The following FOXP4 variants were observed in gnomAD, a reference collection of about 807,000 sequenced individuals.
FOXP4 encodes the protein forkhead box protein P4.
In FOXP4, 25 loss-of-function variants were observed where a neutral mutation model predicts 82.6. The observed-to-expected ratio is 0.30, with a 90% confidence interval of 0.22 to 0.42. FOXP4 has a LOEUF of 0.42. Among genes scored for constraint, FOXP4 ranks in the 10% least tolerant of loss-of-function variants. FOXP4 has a pLI of 1.00. For synonymous variants in FOXP4, 415 were observed against 388.2 expected (o/e 1.07, Z -0.81); for missense variants, 785 against 900.9 (o/e 0.87, Z 1.65).
intron 2 of FOXP4, among the ~76,000 whole-genome samples, chr6:41,568,817 G>A (rs1157071011): frequency 6.6e-6 from 1 of 152,244 alleles, no homozygotes; most frequent in Non-Finnish European, 1.5e-5. Flanking sequence ...AGAGGAGAGA[G>A]ATAAACAGGG....
chr6:41,596,907 T>A (rs763475284), intron 14 of FOXP4, among the ~76,000 whole-genome samples: 14 of 152,102 alleles, frequency 9.2e-5, no homozygotes, highest in Non-Finnish European at 1.9e-4. Flanking sequence ...CAGTTCCCAC[T>A]TCCCAGCTCC....
Position 41,599,263 on chromosome 6 carries a change from A to C in FOXP4, c.*327A>C. 2 of 211,788 alleles carry C rather than the reference A, an allele frequency of 9.4e-6. No homozygotes were observed. The highest frequency in any genetic ancestry group is 9.4e-6 in the Non-Finnish European group (1 of 106,606). 13.1% of individuals were successfully genotyped at this position (211,788 alleles called of 1,614,324 possible). On this transcript the variant is annotated 3_prime_UTR_variant, in exon 17 of 17. Coordinates refer to ENST00000307972, the MANE Select transcript of FOXP4 (RefSeq NM_001012426.2). Reference sequence around the variant, plus strand: ...CCCTCCTCCCCCACCAGCTCTCCCCACAGGGCCCCTCAGCATCATGGAGAC... The same window carrying C: ...CCCTCCTCCCCCACCAGCTCTCCCCCCAGGGCCCCTCAGCATCATGGAGAC...
intron 16 of FOXP4, 61 bp downstream of exon 16, chr6:41,598,011 G>A (rs1333106229): frequency 4.5e-5 from 60 of 1,342,260 alleles, no homozygotes; most frequent in Admixed American, 2.0e-4. Flanking sequence ...GGGAGGAGGC[G>A]TCATCCCCCA....
rs1766267594 is a variant in FOXP4 at position 41,588,127 on chromosome 6, G to C, written c.977+230G>C. ...TTCCCCTGACTCCATCCCCAGCGCA[G>C]GGTGCGGGTAGGAGAAGGAGAGGAC... On this transcript the variant is annotated intron_variant, in intron 8 of 16. Transcript: ENST00000307972. Among the ~76,000 whole-genome samples, 4 of 152,320 alleles carry C rather than the reference G, an allele frequency of 2.6e-5. No homozygotes were observed. In the South Asian group the frequency reaches 8.3e-4, roughly 32 times the overall value.
Position 41,587,434 on chromosome 6 carries a change from C to A in FOXP4, c.794C>A (p.Pro265His). Residue 265 changes from proline (P) to histidine (H), a missense_variant, in exon 7 of 17, where the codon CCC becomes CAC. Around this residue, in one of 3 missense-constraint regions of FOXP4, gnomAD observed 570 missense variants for 634.0 expected, o/e 0.90. Coordinates refer to ENST00000307972, the MANE Select transcript of FOXP4 (RefSeq NM_001012426.2). ...TAATATSFAAPPKVSPPLSHH... is the reference protein window; with the variant it reads ...TAATATSFAAHPKVSPPLSHH... ...GCCACCGCTACCTCGTTTGCCGCTC[C>A]CCCCAAGGTCTCACCCCCCCTCTCC... The A allele has an allele frequency of 6.4e-7, 1 of 1,569,842 alleles. No individual in the cohort carries two copies. The highest frequency in any genetic ancestry group is 1.8e-5 in the Admixed American group (1 of 55,328).
At chr6:41,575,002 T>A (rs1367674724) in intron 2 of FOXP4, among the ~76,000 whole-genome samples, 4 of 152,168 alleles carry the variant, frequency 2.6e-5, no homozygotes, top group African/African-American at 9.7e-5. Flanking sequence ...GGAGTCTTGC[T>A]CTGTTGCTCA....
chr6:41,553,445 TA>T (rs1008690759), intron 1 of FOXP4, among the ~76,000 whole-genome samples: 2 of 152,164 alleles, frequency 1.3e-5, no homozygotes, highest in African/African-American at 4.8e-5. Context: ...GCCTTTCTTT[TA>T]ATTGCACTTA....
intron 3 of FOXP4, among the ~76,000 whole-genome samples, chr6:41,582,804 G>T (rs1250220219): frequency 1.3e-5 from 2 of 152,084 alleles, no homozygotes; most frequent in Non-Finnish European, 2.9e-5. Context: ...GTTAGCCTTT[G>T]GGATCTCAGC....
intron 1 of FOXP4, among the ~76,000 whole-genome samples, chr6:41,560,605 C>A (rs1053957311): frequency 1.8e-3 from 270 of 152,354 alleles, no homozygotes; most frequent in Non-Finnish European, 1.5e-3. Context: ...CTCCCTCCCC[C>A]GCGGGTAAAC....
intron 1 of FOXP4, among the ~76,000 whole-genome samples, chr6:41,555,348 G>T (rs148665400): frequency 1.5e-3 from 225 of 152,312 alleles, no homozygotes; most frequent in African/African-American, 5.1e-3. Context: ...GTCTCCGGGG[G>T]CCTGTTTCAA....
rs538674666 is a variant in FOXP4, at chr6:41,595,763, C to T, written c.1658+772C>T. ...AATTACAGGTGCCCACGACCACGCC[C>T]GGCTAATTTTTTTTGTATTTAGTAG... On this transcript the variant is annotated intron_variant, in intron 14 of 16. Coordinates refer to ENST00000307972, the MANE Select transcript of FOXP4 (RefSeq NM_001012426.2). 5.3e-5 allele frequency among the ~76,000 whole-genome samples: 8 copies of T among 152,170 alleles called. 1 individual carries two copies. The South Asian group carries it at 8.3e-4, about 16-fold the overall frequency.
chr6:41,577,930 TC>T, intron 2 of FOXP4, 55 bp from the exon 3 acceptor site: 1 of 1,348,546 alleles, frequency 7.4e-7, no homozygotes, highest in Non-Finnish European at 1.0e-6. Flanking sequence ...CACTCCCTAA[TC>T]CCTGGATCCC....
At chr6:41,577,191 C>G (rs1306800969) in intron 2 of FOXP4, among the ~76,000 whole-genome samples, 2 of 152,180 alleles carry the variant, frequency 1.3e-5, no homozygotes, top group Non-Finnish European at 2.9e-5. Context: ...TCAGTTCAGT[C>G]TAAGCCACTG....
chr6:41,576,396 C>T (rs1014006498), intron 2 of FOXP4, among the ~76,000 whole-genome samples: 3 of 152,174 alleles, frequency 2.0e-5, no homozygotes, highest in Admixed American at 2.0e-4. Flanking sequence ...ATGCTTGGTA[C>T]ACAGTGGTCA....
chr6:41,587,239 G>A (rs1211546758), intron 6 of FOXP4, 60 bp from the exon 7 acceptor site: 6 of 1,608,554 alleles, frequency 3.7e-6, no homozygotes, highest in Non-Finnish European at 5.1e-6. Flanking sequence ...CTGTTCTTGG[G>A]GCCAGGTAGA....
chr6:41,562,591 T>C (rs948095342), intron 1 of FOXP4, among the ~76,000 whole-genome samples: 1 of 152,220 alleles, frequency 6.6e-6, no homozygotes, highest in African/African-American at 2.4e-5. Flanking sequence ...AACTTTATGA[T>C]ACTCCTTGAG....
At chr6:41,598,588 A>G in intron 16 of FOXP4, 1 of 694,924 alleles carries the variant, frequency 1.4e-6, no homozygotes. Context: ...CTCCTCCCCA[A>G]CCCAGAGCAG....
intron 2 of FOXP4, among the ~76,000 whole-genome samples, chr6:41,576,058 C>A (rs904770283): frequency 2.6e-5 from 4 of 151,602 alleles, no homozygotes; most frequent in Non-Finnish European, 5.9e-5. Context: ...AACCCCCCCC[C>A]CCACCCTTCC....
intron 1 of FOXP4, among the ~76,000 whole-genome samples, chr6:41,562,896 G>A (rs535756728): frequency 6.6e-5 from 10 of 152,212 alleles, no homozygotes; most frequent in Non-Finnish European, 1.5e-4. Context: ...TTTCAGGGGA[G>A]GGTGATGGAG....
Sources: gnomAD v4.1 joint callset for allele counts (sites outside exome capture counted in the v4.1 genomes callset) on GRCh38, gnomAD v4.1.1 for gene constraint, gnomAD v4.1.1 regional missense constraint, MANE v1.5 for transcripts, NCBI Gene and HGNC (gene_info 2026-07-23, HGNC 2026-07-21) for gene names.